The following ATP7A variants were observed in gnomAD, a reference collection of about 807,000 sequenced individuals.
The protein encoded by ATP7A is ATPase copper transporting alpha.
Under a neutral mutation model 83.5 loss-of-function variants are expected in ATP7A, and 7 were observed. The observed-to-expected ratio is 0.08, with a 90% confidence interval of 0.05 to 0.16. The LOEUF (loss-of-function observed/expected upper bound fraction) is 0.16. Among genes scored for constraint, ATP7A ranks in the 10% least tolerant of loss-of-function variants. ATP7A has a pLI of 1.00. For missense variants in ATP7A, 940 were observed against 1,120.8 expected, an observed-to-expected ratio of 0.84 and a Z score of 2.30; for synonymous variants, 354 against 395.2, an observed-to-expected ratio of 0.90 and a Z score of 1.24.
Position 78,011,691 on chromosome X carries a change from C to G in ATP7A, c.2172+17C>G. On this transcript the variant is annotated intron_variant, in intron 9 of 22. Transcript: ENST00000341514. ...CCTGTACAGGCAAGTGAATTGTTAG[C>G]AAATATATTTGTTAATAATAAAAAA... The G allele has an allele frequency of 8.4e-7, 1 of 1,194,323 alleles. No homozygotes were observed. The highest frequency in any genetic ancestry group is 1.1e-6 in the Non-Finnish European group (1 of 880,239).
At chrX:77,960,841 A>G (rs2077470469) in intron 1 of ATP7A, among the ~76,000 whole-genome samples, 1 of 111,897 alleles carries the variant, frequency 8.9e-6, no homozygotes, top group Non-Finnish European at 1.9e-5. Context: ...CCAGAAGCCT[A>G]CATGTTTTTT....
At chrX:77,921,136 T>A (rs1046429658) in intron 1 of ATP7A, among the ~76,000 whole-genome samples, 10 of 111,914 alleles carry the variant, frequency 8.9e-5, no homozygotes, top group African/African-American at 3.3e-4. Flanking sequence ...CTTTGCCCTA[T>A]CAAATTTGTC....
At position 78,003,001 on chromosome X, in the gene ATP7A, A is replaced by G. The variant is rs782172493; in HGVS notation, c.1544-72A>G. 3.4e-5 allele frequency: 34 copies of G among 1,009,785 alleles called. No homozygotes were observed. The African/African-American group carries it at 5.5e-4, about 16-fold the overall frequency. The allele number at this position is 1,009,785 out of a possible 1,213,427, so 83.2% of individuals were successfully genotyped here. A position where few individuals can be genotyped will look rare whatever the true frequency, so the allele number is the denominator to read the frequency against. ...AAATCCTTTCATACTTGATAATACT[A>G]AGAAGTAATTATAACATTACTCTTT... On this transcript the variant is annotated intron_variant, in intron 5 of 22. Coordinates refer to ENST00000341514, the MANE Select transcript of ATP7A (RefSeq NM_000052.7).
At chrX:77,965,099 A>G (rs2077496613) in intron 1 of ATP7A, among the ~76,000 whole-genome samples, 1 of 110,806 alleles carries the variant, frequency 9.0e-6, no homozygotes, top group Non-Finnish European at 1.9e-5. Context: ...TGTGATTTCT[A>G]TACCAAAGAT....
In ATP7A at chrX:78,050,318, G is replaced by GT. The variant is rs1427205235; in HGVS notation, c.*3753dup. On this transcript the variant is annotated 3_prime_UTR_variant, in exon 23 of 23. Transcript: ENST00000341514. The stretch of plus-strand genomic sequence containing the variant: ...CTGTAGTTAAGATATTCAGTAGTTT[G>GT]TTTTTCATAAGCATGTAATTGATCA... 3.6e-5 allele frequency: 4 copies of GT among 112,440 alleles called. No homozygotes were observed. The highest frequency in any genetic ancestry group is 4.2e-3 in the Middle Eastern group (1 of 237). The allele number at this position is 112,440 out of a possible 1,213,427, so 9.3% of individuals were successfully genotyped here.
At position 77,992,677 on chromosome X, in the gene ATP7A, T is replaced by C. The variant is rs530715689; in HGVS notation, c.1336+2719T>C. Among the ~76,000 whole-genome samples, 5 of 111,244 alleles carry C rather than the reference T, an allele frequency of 4.5e-5. 1 individual carries two copies. In the South Asian group the frequency reaches 1.9e-3, roughly 42 times the overall value. On this transcript the variant is annotated intron_variant, in intron 4 of 22. Coordinates refer to ENST00000341514, the MANE Select transcript of ATP7A (RefSeq NM_000052.7). ...CCCAGGCTGAAGTGCAATGGCATGATCTCGGCTCACTGCAACCTCTGTGCC... is the reference window on the plus strand; with the variant it reads ...CCCAGGCTGAAGTGCAATGGCATGACCTCGGCTCACTGCAACCTCTGTGCC...
chrX:77,961,508 A>G (rs1193634196), intron 1 of ATP7A, among the ~76,000 whole-genome samples: 1 of 112,005 alleles, frequency 8.9e-6, no homozygotes, highest in Non-Finnish European at 1.9e-5. Context: ...ATCAGCCCTC[A>G]AAAGCCCCAT....
chrX:77,993,646 A>C (rs996700143), intron 4 of ATP7A, among the ~76,000 whole-genome samples: 6 of 111,807 alleles, frequency 5.4e-5, no homozygotes, highest in Admixed American at 9.6e-5. Context: ...GCATATATAG[A>C]AACCTCATAT....
rs190078860 is a variant in ATP7A, at chrX:78,017,638, C to A, written c.2626+1757C>A. 3.6e-5 allele frequency among the ~76,000 whole-genome samples: 4 copies of A among 110,879 alleles called. No individual in the cohort carries two copies. In the East Asian group the frequency reaches 8.4e-4, roughly 23 times the overall value. On this transcript the variant is annotated intron_variant, in intron 12 of 22. Transcript: ENST00000341514. ...TGAATGCTTTCAGAATAATGTAGGTCATGTCTTGAATGCTTTGCTGCTTAA... is the reference window on the plus strand; with the variant it reads ...TGAATGCTTTCAGAATAATGTAGGTAATGTCTTGAATGCTTTGCTGCTTAA...
intron 12 of ATP7A, 98 bp downstream of exon 12, chrX:78,015,979 C>A: frequency 2.1e-6 from 2 of 972,628 alleles, no homozygotes; most frequent in Non-Finnish European, 2.9e-6. Flanking sequence ...AAATTATGAA[C>A]AGAGAGAATA....
intron 12 of ATP7A, 126 bp downstream of exon 12, chrX:78,016,007 A>G: frequency 1.3e-6 from 1 of 772,727 alleles, no homozygotes; most frequent in Non-Finnish European, 1.9e-6. Flanking sequence ...TTAAGACTGT[A>G]TTAAATCAAT....
chrX:78,045,830 A>C (rs985762178), intron 22 of ATP7A, among the ~76,000 whole-genome samples: 2 of 111,382 alleles, frequency 1.8e-5, no homozygotes, highest in Non-Finnish European at 3.8e-5. Context: ...TAGAAATACA[A>C]AAATTAGCTG....
rs781834063 is a variant in ATP7A, at chrX:77,989,108, TAAGA to T, written c.611-122_611-119del. On this transcript the variant is annotated intron_variant, in intron 3 of 22. Transcript: ENST00000341514. ...AACATTTTCTGAAAAGAAAAAAAAT[TAAGA>T]AAATATGATGACAAGAATGAGAGAG... 32 of 857,314 alleles carry T rather than the reference TAAGA, an allele frequency of 3.7e-5. No individual in the cohort carries two copies. In the African/African-American group the frequency reaches 4.8e-4, roughly 13 times the overall value. 70.7% of individuals were successfully genotyped at this position (857,314 alleles called of 1,213,427 possible).
At chrX:77,938,170 A>C (rs1159332453) in intron 1 of ATP7A, among the ~76,000 whole-genome samples, 1 of 112,242 alleles carries the variant, frequency 8.9e-6, no homozygotes. Context: ...ACACACACAC[A>C]TTTATTTATC....
chrX:77,974,019 G>T (rs952845021), intron 2 of ATP7A, among the ~76,000 whole-genome samples: 1 of 111,317 alleles, frequency 9.0e-6, no homozygotes, highest in Non-Finnish European at 1.9e-5. Context: ...TTAATTTCAG[G>T]TGTTCATTAT....
intron 17 of ATP7A, among the ~76,000 whole-genome samples, chrX:78,035,549 C>G (rs74686151): frequency 9.0e-6 from 1 of 110,718 alleles, no homozygotes; most frequent in Admixed American, 9.6e-5. Flanking sequence ...TAATGGGTCT[C>G]TCTCTCCTAT....
At position 78,046,312 on chromosome X, in the gene ATP7A, C is replaced by T. The variant is rs782346811; in HGVS notation, c.4245C>T (p.Tyr1415=). 2.6e-5 allele frequency: 31 copies of T among 1,210,102 alleles called. No homozygotes were observed. The Admixed American group carries it at 4.6e-4, about 18-fold the overall frequency. The change falls in exon 23 of 23, where the codon TAC becomes TAT. Residue 1415 remains tyrosine (Y), a synonymous_variant. Transcript: ENST00000341514. ...TGTCCAGTTACAGGAAACCAACTTA[C>T]GAGAGTTATGAACTGCCTGCCCGGA... ...LFLKLYRKPT[Y]ESYELPARSQ... is the part of the protein sequence containing the mutation.
At chrX:77,969,632 CG>C in intron 1 of ATP7A, 3 of 1,211,561 alleles carry the variant, frequency 2.5e-6, no homozygotes, top group Non-Finnish European at 3.4e-6. Flanking sequence ...AGTTTGTAGG[CG>C]GCCATGGCGG....
Position 78,046,675 on chromosome X carries a change from CT to C in ATP7A, c.*107del. On this transcript the variant is annotated 3_prime_UTR_variant, in exon 23 of 23. Transcript: ENST00000341514. ...ATTGTAGAAGGATTTTTCTCATGCT[CT>C]TATATTAGGGATTCTATTTGAGTTG... The C allele has an allele frequency of 9.5e-7, 1 of 1,048,189 alleles. No homozygotes were observed. Among genetic ancestry groups the C allele is most frequent in the Non-Finnish European group, 1.3e-6 (1 of 756,206 alleles). The allele number at this position is 1,048,189 out of a possible 1,213,427, so 86.4% of individuals were successfully genotyped here.
Sources: gnomAD v4.1 joint callset for allele counts (sites outside exome capture counted in the v4.1 genomes callset) on GRCh38, gnomAD v4.1.1 for gene constraint, MANE v1.5 for transcripts, NCBI Gene and HGNC (gene_info 2026-07-23, HGNC 2026-07-21) for gene names.